The following MTMR7 variants were observed in gnomAD, a reference collection of about 807,000 sequenced individuals.
MTMR7 encodes myotubularin related protein 7.
MTMR7 carries 76 observed loss-of-function variants against 81.2 expected under a neutral mutation model. The ratio of observed to expected loss-of-function variants is 0.94; its 90% CI spans 0.78 to 1.13. MTMR7 has a LOEUF of 1.13. Among genes scored for constraint, MTMR7 ranks in the 50% most tolerant of loss-of-function variants. The pLI is 0.00. For missense variants in MTMR7, 1,044 were observed against 820.0 expected (o/e 1.27, Z -3.34); for synonymous variants, 372 against 289.8 (o/e 1.28, Z -2.88).
chr8:17,372,134 G>C lies in MTMR7; in HGVS notation c.148-935C>G, dbSNP rs1167088466. 3.3e-5 allele frequency among the ~76,000 whole-genome samples: 5 copies of C among 152,044 alleles called. 1 individual carries two copies. Among genetic ancestry groups the C allele is most frequent in the Admixed American group, 3.3e-4 (5 of 15,254 alleles). ...GAAGTGCATCTCTGGTGTTACAGGA[G>C]GGTCTATGCTCAGTCTTCAATAGCA... On this transcript the variant is annotated intron_variant, in intron 2 of 13. Transcript: ENST00000180173.
rs142161778 is a variant in MTMR7 at position 17,300,169 on chromosome 8, T to C, written c.1676A>G (p.Gln559Arg). 1 of 1,614,020 alleles carries C rather than the reference T, an allele frequency of 6.2e-7. No homozygotes were observed. Among genetic ancestry groups the C allele is most frequent in the Admixed American group, 1.7e-5 (1 of 60,002 alleles). ...CCCTGAGTGCTTGCTGGGCTCACTT[T>C]GCTTACTCTTCACCTTAGTGCAATT... ...QLNCTKVKSKQSEPSKHSGFS... is the reference protein window; with the variant it reads ...QLNCTKVKSKRSEPSKHSGFS... The change falls in exon 14 of 14, where the codon CAA (glutamine) becomes CGA (arginine). Residue 559 changes from glutamine (Q) to arginine (R), a missense_variant. Transcript: ENST00000180173.
intron 4 of MTMR7, chr8:17,349,560 A>T (rs1018181835): frequency 1.3e-5 from 2 of 156,316 alleles, no homozygotes; most frequent in African/African-American, 4.9e-5. Context: ...GACACATCAC[A>T]CAAGCTGATG....
rs569918697 is a variant in MTMR7, at chr8:17,312,323, C to G, written c.976-687G>C. Among the ~76,000 whole-genome samples, 5 of 152,148 alleles carry G rather than the reference C, an allele frequency of 3.3e-5. 1 individual carries two copies. The South Asian group carries it at 1.0e-3, about 32-fold the overall frequency. ...GAGGCAGTGGCTCACGCATGTAATC[C>G]CAGCACTTTGGGAGGCCGTGGCGGG... On this transcript the variant is annotated intron_variant, in intron 8 of 13. Transcript: ENST00000180173.
chr8:17,370,547 G>A (rs1450043723), intron 3 of MTMR7, among the ~76,000 whole-genome samples: 1 of 61,762 alleles, frequency 1.6e-5, no homozygotes, highest in Non-Finnish European at 2.9e-5. Context: ...CGGAGAAAAA[G>A]TGCCTCAAAA....
In MTMR7 at chr8:17,302,184, C is replaced by G. The variant is rs745671147; in HGVS notation, c.1590G>C (p.Gln530His). The change falls in exon 13 of 14, where the codon CAG becomes CAC. Residue 530 changes from glutamine to histidine, a missense_variant. Physicochemically the swap from Gln to His is conservative, Grantham distance 24. Transcript: ENST00000180173. The part of the protein sequence containing the change: ...YLMAVKEETQ[Q>H]LEEELEALEE... ...CCAGGGCCTCTAGTTCTTCCTCTAGCTGCTGAGTTTCTTCCTTCACTGCCA... is the reference window on the plus strand; with the variant it reads ...CCAGGGCCTCTAGTTCTTCCTCTAGGTGCTGAGTTTCTTCCTTCACTGCCA... 2 of 1,614,130 alleles carry G rather than the reference C, an allele frequency of 1.2e-6. No individual in the cohort carries two copies. The highest frequency in any genetic ancestry group is 1.7e-6 in the Non-Finnish European group (2 of 1,179,980).
At chr8:17,312,634 G>T (rs1817853817) in intron 8 of MTMR7, among the ~76,000 whole-genome samples, 2 of 150,634 alleles carry the variant, frequency 1.3e-5, no homozygotes, top group Admixed American at 1.3e-4. Flanking sequence ...TATAAGCTCT[G>T]TGAGGGAAGA....
intron 3 of MTMR7, among the ~76,000 whole-genome samples, chr8:17,369,789 G>T (rs1820355665): frequency 6.6e-6 from 1 of 151,646 alleles, no homozygotes; most frequent in Non-Finnish European, 1.5e-5. Flanking sequence ...GGGACTACAG[G>T]CGCACACTGC....
At chr8:17,358,047 C>T (rs1324874266) in intron 4 of MTMR7, among the ~76,000 whole-genome samples, 1 of 151,764 alleles carries the variant, frequency 6.6e-6, no homozygotes, top group African/African-American at 2.4e-5. Flanking sequence ...CAGTCATAGA[C>T]ATGAAAAAGG....
chr8:17,298,098 C>T lies in MTMR7; in HGVS notation c.*1764G>A, dbSNP rs921708716. ...ACTGTCAAACGGAAGAAATTAAAGCCACATCCTCAATATTAGGCAACAGAG... is the reference window on the plus strand; with the variant it reads ...ACTGTCAAACGGAAGAAATTAAAGCTACATCCTCAATATTAGGCAACAGAG... On this transcript the variant is annotated 3_prime_UTR_variant, in exon 14 of 14. Coordinates refer to ENST00000180173, the MANE Select transcript of MTMR7 (RefSeq NM_004686.5). 1 of 151,820 alleles carries T rather than the reference C, an allele frequency of 6.6e-6. No homozygotes were observed. Among genetic ancestry groups the T allele is most frequent in the African/African-American group, 2.4e-5 (1 of 41,348 alleles). 9.4% of individuals were successfully genotyped at this position (151,820 alleles called of 1,614,324 possible). A position where few individuals can be genotyped will look rare whatever the true frequency, so the allele number is the denominator to read the frequency against.
chr8:17,373,602 CTATG>C, intron 1 of MTMR7, among the ~76,000 whole-genome samples: 2 of 152,290 alleles, frequency 1.3e-5, no homozygotes, highest in African/African-American at 4.8e-5. Context: ...TGAGTTTACA[CTATG>C]TATCAATTAC....
intron 1 of MTMR7, among the ~76,000 whole-genome samples, chr8:17,407,030 G>C (rs114512748): frequency 1.1e-4 from 17 of 152,136 alleles, no homozygotes; most frequent in African/African-American, 3.9e-4. Flanking sequence ...TCTGAAATTA[G>C]ATAATGATGA....
Position 17,340,925 on chromosome 8 carries a change from G to C in MTMR7, c.732+438C>G, listed in dbSNP as rs536488682. Among the ~76,000 whole-genome samples, 4 of 152,182 alleles carry C rather than the reference G, an allele frequency of 2.6e-5. No individual in the cohort carries two copies. In the South Asian group the frequency reaches 6.2e-4, roughly 24 times the overall value. On this transcript the variant is annotated intron_variant, in intron 6 of 13. Transcript: ENST00000180173. ...CCTTATATTTTATAGTTCTTTCCAAGTCATAGGTATAGATTACTACAAGTT... is the reference window on the plus strand; with the variant it reads ...CCTTATATTTTATAGTTCTTTCCAACTCATAGGTATAGATTACTACAAGTT...
intron 1 of MTMR7, among the ~76,000 whole-genome samples, chr8:17,382,883 AG>A (rs1820802138): frequency 6.6e-6 from 1 of 152,236 alleles, no homozygotes; most frequent in Admixed American, 6.5e-5. Flanking sequence ...CAGTTAATGT[AG>A]TTCTATTACA....
At chr8:17,304,624 C>T (rs1431872823) in intron 11 of MTMR7, 105 bp from the exon 12 acceptor site, 2 of 1,227,170 alleles carry the variant, frequency 1.6e-6, no homozygotes, top group South Asian at 1.4e-5. Flanking sequence ...TACCTGAAAA[C>T]CACGTGTCTG....
At chr8:17,366,550 T>G (rs1323814758) in intron 3 of MTMR7, among the ~76,000 whole-genome samples, 1 of 152,116 alleles carries the variant, frequency 6.6e-6, no homozygotes, top group Non-Finnish European at 1.5e-5. Flanking sequence ...TACTGAAAGC[T>G]AAATTGCATC....
At chr8:17,300,345 G>A in intron 13 of MTMR7, 121 bp from the exon 14 acceptor site, 2 of 1,092,552 alleles carry the variant, frequency 1.8e-6, no homozygotes, top group Non-Finnish European at 2.5e-6. Context: ...ATGTGACTCA[G>A]AGGGATGTGA....
intron 11 of MTMR7, among the ~76,000 whole-genome samples, 157 bp from the exon 12 acceptor site, chr8:17,304,676 A>G (rs915083228): frequency 8.6e-5 from 13 of 151,780 alleles, no homozygotes; most frequent in African/African-American, 2.9e-4. Flanking sequence ...ACTTCATGGT[A>G]TAGAGGGAGA....
intron 5 of MTMR7, chr8:17,345,972 A>G (rs1391496512): frequency 6.6e-6 from 1 of 152,212 alleles, no homozygotes; most frequent in Non-Finnish European, 1.5e-5. Flanking sequence ...TCAAATAACC[A>G]AAGAGAAGAA....
At chr8:17,303,346 G>A (rs1817249754) in intron 12 of MTMR7, among the ~76,000 whole-genome samples, 2 of 152,038 alleles carry the variant, frequency 1.3e-5, no homozygotes, top group African/African-American at 4.8e-5. Context: ...TAATTAGATT[G>A]AAATAATTAA....
Sources: gnomAD v4.1 joint callset for allele counts (sites outside exome capture counted in the v4.1 genomes callset) on GRCh38, gnomAD v4.1.1 for gene constraint, MANE v1.5 for transcripts, NCBI Gene and HGNC (gene_info 2026-07-23, HGNC 2026-07-21) for gene names.